KAT8: variants seen among roughly 807,000 people sequenced by gnomAD.
The protein encoded by KAT8 is lysine acetyltransferase 8, also known as histone acetyltransferase KAT8.
In KAT8, 40 loss-of-function variants were observed where a neutral mutation model predicts 62.9. The observed-to-expected ratio is 0.64, with a 90% confidence interval of 0.49 to 0.83. KAT8 has a LOEUF of 0.83. Ranked by LOEUF, KAT8 falls within the 40% of genes least tolerant of loss-of-function variation. The probability of loss-of-function intolerance (pLI) is 0.00; values close to 1 mark genes in which losing one functional copy is unlikely to be tolerated. For missense variants in KAT8, 387 were observed against 614.8 expected (o/e 0.63, Z 3.92); for synonymous variants, 278 against 254.5 (o/e 1.09, Z -0.88).
At chr16:31,119,931 T>C (rs1266684392) in intron 1 of KAT8, among the ~76,000 whole-genome samples, 2 of 151,956 alleles carry the variant, frequency 1.3e-5, no homozygotes, top group Admixed American at 6.6e-5. Context: ...TCTGCCCATC[T>C]CGGCCTCCAG....
intron 3 of KAT8, among the ~76,000 whole-genome samples, chr16:31,122,765 C>T (rs920288340): frequency 1.3e-5 from 2 of 151,710 alleles, no homozygotes; most frequent in Admixed American, 1.3e-4. Flanking sequence ...CCTGTAGTCC[C>T]AGCTACTCGG....
chr16:31,128,679 C>G (rs2057550893), intron 6 of KAT8, among the ~76,000 whole-genome samples: 1 of 152,226 alleles, frequency 6.6e-6, no homozygotes, highest in African/African-American at 2.4e-5. Flanking sequence ...TTGGGTTGTT[C>G]TGGAACCCAG....
chr16:31,128,211 C>T lies in KAT8; in HGVS notation c.771+72C>T, dbSNP rs1486817122. 33 of 1,203,574 alleles carry T rather than the reference C, an allele frequency of 2.7e-5. No individual in the cohort carries two copies. The Admixed American group carries it at 6.3e-4, about 23-fold the overall frequency. 74.6% of individuals were successfully genotyped at this position (1,203,574 alleles called of 1,614,324 possible). ...ACCTCCCAGATGATCCTCATCACCA[C>T]CAAAGGGGAGGGGGCAGCCTTAGCT... On this transcript the variant is annotated intron_variant, in intron 6 of 10. Transcript: ENST00000219797.
intron 1 of KAT8, among the ~76,000 whole-genome samples, chr16:31,118,973 T>A (rs1173397009): frequency 6.6e-6 from 1 of 150,448 alleles, no homozygotes; most frequent in Non-Finnish European, 1.5e-5. Context: ...AGCCTAGACC[T>A]TCTAGGCTCA....
chr16:31,130,261 C>T lies in KAT8; in HGVS notation c.913-6C>T, dbSNP rs2057566188. 6.2e-7 allele frequency: 1 copy of T among 1,614,110 alleles called. No individual in the cohort carries two copies. On this transcript the variant is annotated splice_polypyrimidine_tract_variant and splice_region_variant and intron_variant, in intron 7 of 10. Transcript: ENST00000219797. ...CCCAGCGGCCCTGAGCACCTGCCTC[C>T]TGCAGGAGAAGGAGTCCCCGGATGG...
chr16:31,124,648 G>A (rs1241230347), intron 3 of KAT8, among the ~76,000 whole-genome samples: 3 of 149,846 alleles, frequency 2.0e-5, no homozygotes, highest in African/African-American at 4.9e-5. Flanking sequence ...CAGGAGAATC[G>A]CTTGAACCCA....
chr16:31,126,627 C>T (rs563728865), intron 3 of KAT8: 1 of 201,894 alleles, frequency 5.0e-6, no homozygotes, highest in South Asian at 7.4e-5. Context: ...GGGTCTGGTC[C>T]TCAGGAAAGG....
intron 9 of KAT8, 67 bp downstream of exon 9, chr16:31,130,673 A>G (rs2057570643): frequency 6.2e-7 from 1 of 1,610,526 alleles, no homozygotes; most frequent in African/African-American, 1.3e-5. Context: ...CTGCTTCCTC[A>G]TACCCTGTCA....
chr16:31,126,574 G>A, intron 3 of KAT8: 1 of 174,764 alleles, frequency 5.7e-6, no homozygotes, highest in Admixed American at 5.7e-5. Context: ...TGAGTCCGCT[G>A]TCCCTGTGGG....
Position 31,121,264 on chromosome 16 carries a change from G to A in KAT8, c.462+750G>A, listed in dbSNP as rs1012005627. The A allele has an allele frequency of 2.0e-5, 3 of 151,980 alleles. No homozygotes were observed. In the South Asian group the frequency reaches 6.2e-4, roughly 32 times the overall value. The allele number at this position is 151,980 out of a possible 1,614,324, so 9.4% of individuals were successfully genotyped here. Reference sequence around the variant, plus strand: ...GCCTCCCAAGTAGCTAGGACTACAGGTACCTGCCACCACGCCCGGATAATT... The same window carrying A: ...GCCTCCCAAGTAGCTAGGACTACAGATACCTGCCACCACGCCCGGATAATT... On this transcript the variant is annotated intron_variant, in intron 3 of 10. Transcript: ENST00000219797.
At chr16:31,127,012 C>T in intron 3 of KAT8, 23 bp from the exon 4 acceptor site, 1 of 1,614,084 alleles carries the variant, frequency 6.2e-7, no homozygotes. Context: ...TTCACCTCTG[C>T]CCACTTTTCT....
At chr16:31,126,338 CAG>C (rs1324525212) in intron 3 of KAT8, 1 of 152,584 alleles carries the variant, frequency 6.6e-6, no homozygotes, top group South Asian at 2.0e-4. Context: ...TGGAGCAGGA[CAG>C]AGAGGAGAAT....
rs749627567 is a variant in KAT8, at chr16:31,120,519, G to A, written c.462+5G>A. The A allele has an allele frequency of 2.1e-5, 34 of 1,594,904 alleles. No individual in the cohort carries two copies. The highest frequency in any genetic ancestry group is 2.7e-5 in the Non-Finnish European group (32 of 1,165,450). Reference sequence around the variant, plus strand: ...GAGATCAACCATGTGCAGAAGGTCCGGATCCCTTCCCATCCACGGGCCCAG... The same window carrying A: ...GAGATCAACCATGTGCAGAAGGTCCAGATCCCTTCCCATCCACGGGCCCAG... On this transcript the variant is annotated splice_donor_5th_base_variant and intron_variant, in intron 3 of 10. Coordinates refer to ENST00000219797, the MANE Select transcript of KAT8 (RefSeq NM_032188.3).
rs557530577 is a variant in KAT8, at chr16:31,119,338, C to G, written c.212-848C>G. 1.2e-4 allele frequency among the ~76,000 whole-genome samples: 19 copies of G among 152,074 alleles called. No homozygotes were observed. In the South Asian group the frequency reaches 3.9e-3, roughly 32 times the overall value. On this transcript the variant is annotated intron_variant, in intron 1 of 10. Transcript: ENST00000219797. ...CTAATTTTTGTATTTTTAGTAGAGA[C>G]GAAGTTTCACCATGTTGGCCAGGAT...
chr16:31,122,950 G>A (rs1053511950), intron 3 of KAT8, among the ~76,000 whole-genome samples: 1 of 152,010 alleles, frequency 6.6e-6, no homozygotes, highest in African/African-American at 2.4e-5. Context: ...GGGAGGCGGA[G>A]GTGGGTGGAT....
rs935445512 is a variant in KAT8 at position 31,117,722 on chromosome 16, C to T, written c.41C>T (p.Thr14Ile). 8.0e-6 allele frequency: 11 copies of T among 1,381,678 alleles called. No homozygotes were observed. In the East Asian group the frequency reaches 1.8e-4, roughly 23 times the overall value. 85.6% of individuals were successfully genotyped at this position (1,381,678 alleles called of 1,614,324 possible). A position where few individuals can be genotyped will look rare whatever the true frequency, so the allele number is the denominator to read the frequency against. ...GCTGCTGCGGCGGTTGCGGCGGGGA[C>T]TTCAGGGGTCGCGGGGGAGGGCGAG... ...QGAAAAVAAGTSGVAGEGEPG... is the reference protein window; with the variant it reads ...QGAAAAVAAGISGVAGEGEPG... The change falls in exon 1 of 11, where the codon ACT (threonine) becomes ATT (isoleucine). Residue 14 changes from threonine to isoleucine, a missense_variant. Physicochemically the swap from Thr to Ile is moderately conservative, Grantham distance 89. Transcript: ENST00000219797.
At chr16:31,131,158 C>G in intron 10 of KAT8, 37 bp from the exon 11 acceptor site, 1 of 1,611,768 alleles carries the variant, frequency 6.2e-7, no homozygotes. Flanking sequence ...TGGCCTGGCC[C>G]AGGCCCAGCC....
At chr16:31,129,642 G>A (rs1596825894) in intron 6 of KAT8, among the ~76,000 whole-genome samples, 1 of 152,106 alleles carries the variant, frequency 6.6e-6, no homozygotes, top group Admixed American at 6.5e-5. Context: ...ACTTAGACTC[G>A]TGCTAGGCGC....
Position 31,120,382 on chromosome 16 carries a change from G to A in KAT8, c.330G>A (p.Ala110=), listed in dbSNP as rs767754774. 8.1e-5 allele frequency: 131 copies of A among 1,613,948 alleles called. No individual in the cohort carries two copies. Among genetic ancestry groups the A allele is most frequent in the Non-Finnish European group, 1.1e-4 (126 of 1,179,956 alleles). The change falls in exon 3 of 11, where the codon GCG becomes GCA. Residue 110 remains alanine, a synonymous_variant. Coordinates refer to ENST00000219797, the MANE Select transcript of KAT8 (RefSeq NM_032188.3). ...AGTGGGTAGACAAGAACCGGCTGGC[G>A]CTGACCAAGACAGTGAAGGATGCTG... ...LDEWVDKNRL[A]LTKTVKDAVQ...
Sources: allele counts gnomAD v4.1 joint callset (sites outside exome capture counted in the v4.1 genomes callset), GRCh38; gene constraint gnomAD v4.1.1; transcripts MANE v1.5; gene names NCBI Gene and HGNC (gene_info 2026-07-23, HGNC 2026-07-21).